The following FCRL5 variants were observed in gnomAD, a reference collection of about 807,000 sequenced individuals.
FCRL5 encodes Fc receptor-like protein 5.
In FCRL5, 79 loss-of-function variants were observed where a neutral mutation model predicts 92.1. The ratio of observed to expected loss-of-function variants is 0.86; its 90% CI spans 0.72 to 1.03. The LOEUF (loss-of-function observed/expected upper bound fraction) is 1.03. Among genes scored for constraint, FCRL5 ranks in the 50% least tolerant of loss-of-function variants. FCRL5 has a pLI of 0.00. For missense variants in FCRL5, 1,160 were observed against 1,181.1 expected (o/e 0.98, Z 0.26); for synonymous variants, 466 against 469.3 (o/e 0.99, Z 0.09).
In FCRL5 at chr1:157,518,750, G is replaced by C; in HGVS notation, c.2693C>G (p.Thr898Ser). The change falls in exon 14 of 17, where the codon ACC becomes AGC. Residue 898 changes from threonine (T) to serine (S), a missense_variant. Coordinates refer to ENST00000361835, the MANE Select transcript of FCRL5 (RefSeq NM_031281.3). Reference protein sequence around the residue: ...SPSDSDSQEPTYHNVPAWEEL... With the variant: ...SPSDSDSQEPSYHNVPAWEEL... ...TTCCCAGGCTGGTACATTGTGATAG[G>C]TGGGCTCTTGGGAGTCCGAGTCTGA... The C allele has an allele frequency of 1.9e-6, 3 of 1,613,538 alleles. No homozygotes were observed. Among genetic ancestry groups the C allele is most frequent in the Non-Finnish European group, 2.5e-6 (3 of 1,179,906 alleles).
intron 6 of FCRL5, among the ~76,000 whole-genome samples, chr1:157,540,280 T>C (rs1380242745): frequency 4.0e-5 from 6 of 150,410 alleles, no homozygotes; most frequent in African/African-American, 1.3e-4. Flanking sequence ...GCCTCTGTTG[T>C]GCAGAGATGT....
At chr1:157,544,703 G>A in intron 4 of FCRL5, 128 bp downstream of exon 4, 1 of 1,433,952 alleles carries the variant, frequency 7.0e-7, no homozygotes, top group Non-Finnish European at 9.7e-7. Context: ...TACTTCCTCT[G>A]CTCCTTGCAG....
In FCRL5 at chr1:157,542,854, C is replaced by T. The variant is rs767199287; in HGVS notation, c.1123+5G>A. On this transcript the variant is annotated splice_donor_5th_base_variant and intron_variant, in intron 6 of 16. Transcript: ENST00000361835. ...GTGGGTGATTGGCAGGAATGCAGGG[C>T]TTACCAGTGACTGAGAGGCTCACAG... 1.2e-6 allele frequency: 2 copies of T among 1,609,492 alleles called. No individual in the cohort carries two copies. The highest frequency in any genetic ancestry group is 1.1e-5 in the South Asian group (1 of 90,462).
At chr1:157,545,150 A>C in intron 3 of FCRL5, 68 bp from the exon 4 acceptor site, 7 of 1,531,124 alleles carry the variant, frequency 4.6e-6, no homozygotes, top group Non-Finnish European at 6.1e-6. Context: ...TTGTTTTTCC[A>C]AGTAGATTTT....
chr1:157,526,946 A>AT (rs549838556), intron 9 of FCRL5, among the ~76,000 whole-genome samples: 211 of 152,216 alleles, frequency 1.4e-3, no homozygotes, highest in Non-Finnish European at 2.3e-3. Flanking sequence ...TGTTAAGGGG[A>AT]TTATACATGT....
chr1:157,534,287 T>C, intron 8 of FCRL5: 1 of 693,000 alleles, frequency 1.4e-6, no homozygotes. Flanking sequence ...GTAGCTAAGT[T>C]AATATGTAAA....
chr1:157,521,454 T>C (rs1469739080), intron 10 of FCRL5, 162 bp from the exon 11 acceptor site: 1 of 799,958 alleles, frequency 1.3e-6, no homozygotes, highest in Non-Finnish European at 1.8e-6. Flanking sequence ...TAGTTTTCAG[T>C]GTACAAAAAT....
chr1:157,545,009 C>A lies in FCRL5; in HGVS notation c.381G>T (p.Ala127=). ...DSVVLRCRAK[A]EVTLNNTIYK... ...AAATAGTATTATTCAGTGTTACTTC[C>A]GCCTTTGCCCGGCACCTCAGAACCA... The change falls in exon 4 of 17, where the codon GCG becomes GCT. Residue 127 remains alanine (A), a synonymous_variant. Coordinates refer to ENST00000361835, the MANE Select transcript of FCRL5 (RefSeq NM_031281.3). 6.2e-7 allele frequency: 1 copy of A among 1,613,698 alleles called. No homozygotes were observed. The highest frequency in any genetic ancestry group is 8.5e-7 in the Non-Finnish European group (1 of 1,180,012).
In FCRL5 at chr1:157,549,435, T is replaced by TAA. The variant is rs940704573; in HGVS notation, c.52+123_52+124dup. 5.1e-5 allele frequency: 45 copies of TAA among 882,570 alleles called. No individual in the cohort carries two copies. In the East Asian group the frequency reaches 1.2e-3, roughly 23 times the overall value. 54.7% of individuals were successfully genotyped at this position (882,570 alleles called of 1,614,324 possible). ...ATGTACCCTAAAACTTAAAGTATAA[T>TAA]AAAAAAAAGGAAAGAAAACAGGAGA... On this transcript the variant is annotated intron_variant, in intron 2 of 16. Coordinates refer to ENST00000361835, the MANE Select transcript of FCRL5 (RefSeq NM_031281.3).
chr1:157,522,457 T>A (rs1308688090), intron 10 of FCRL5: 1 of 152,244 alleles, frequency 6.6e-6, no homozygotes, highest in East Asian at 1.9e-4. Context: ...TTCACTTCTC[T>A]AAACCTCAGT....
In FCRL5 at chr1:157,514,607, G is replaced by C. The variant is rs1305964074; in HGVS notation, c.*1068C>G. The C allele has an allele frequency of 1.3e-5, 2 of 152,310 alleles. No homozygotes were observed. Among genetic ancestry groups the C allele is most frequent in the Non-Finnish European group, 2.9e-5 (2 of 68,124 alleles). The allele number at this position is 152,310 out of a possible 1,614,324, so 9.4% of individuals were successfully genotyped here. ...CACATGCATGCAGTGCAGTCCCAGG[G>C]CCAGCAGCATCAGCATCCCCTGGGA... is the stretch of plus-strand genomic sequence containing the variant. On this transcript the variant is annotated 3_prime_UTR_variant, in exon 17 of 17. Transcript: ENST00000361835.
intron 15 of FCRL5, among the ~76,000 whole-genome samples, chr1:157,518,186 T>C (rs1650013990): frequency 6.6e-6 from 1 of 152,186 alleles, no homozygotes; most frequent in Non-Finnish European, 1.5e-5. Context: ...GTTAAGCGAA[T>C]GCCCAAAAAG....
chr1:157,527,998 C>A, intron 8 of FCRL5, 103 bp from the exon 9 acceptor site: 1 of 1,309,266 alleles, frequency 7.6e-7, no homozygotes, highest in Non-Finnish European at 1.0e-6. Flanking sequence ...AAAGGACATC[C>A]AAATTGGTAA....
chr1:157,539,351 A>T lies in FCRL5; in HGVS notation c.1137T>A (p.His379Gln). The T allele has an allele frequency of 6.2e-7, 1 of 1,610,340 alleles. No individual in the cohort carries two copies. Among genetic ancestry groups the T allele is most frequent in the Non-Finnish European group, 8.5e-7 (1 of 1,177,618 alleles). Residue 379 changes from histidine (H) to glutamine (Q), a missense_variant, in exon 7 of 17, where the codon CAT (histidine) becomes CAA (glutamine). His to Gln is a conservative substitution (Grantham distance 24). Coordinates refer to ENST00000361835, the MANE Select transcript of FCRL5 (RefSeq NM_031281.3). ...VSLSVTVPVS[H>Q]PVLNLSSPED... The stretch of plus-strand genomic sequence containing the variant: ...CAGGAGAGCTGAGGTTGAGGACAGG[A>T]TGAGACACGGGAACTGAGAGAGAGA...
intron 7 of FCRL5, among the ~76,000 whole-genome samples, chr1:157,538,359 G>A (rs569091506): frequency 6.6e-6 from 1 of 152,272 alleles, no homozygotes; most frequent in South Asian, 2.1e-4. Flanking sequence ...TCCAGTATAG[G>A]CCCAAATCAC....
Position 157,513,752 on chromosome 1 carries a change from C to G in FCRL5, c.*1923G>C, listed in dbSNP as rs1348538470. 6.6e-6 allele frequency: 1 copy of G among 152,192 alleles called. No individual in the cohort carries two copies. The highest frequency in any genetic ancestry group is 1.5e-5 in the Non-Finnish European group (1 of 68,052). The allele number at this position is 152,192 out of a possible 1,614,324, so 9.4% of individuals were successfully genotyped here. A position where few individuals can be genotyped will look rare whatever the true frequency, so the allele number is the denominator to read the frequency against. On this transcript the variant is annotated 3_prime_UTR_variant, in exon 17 of 17. Transcript: ENST00000361835. ...CCCAATGAGAAATTCTAAATTTCCT[C>G]TTTTGAGCCTGGTGCCTCCACCTTC... is the stretch of plus-strand genomic sequence containing the variant.
Position 157,545,005 on chromosome 1 carries a change from C to A in FCRL5, c.385G>T (p.Val129Leu), listed in dbSNP as rs1255601517. 7 of 1,613,848 alleles carry A rather than the reference C, an allele frequency of 4.3e-6. No homozygotes were observed. The highest frequency in any genetic ancestry group is 8.5e-7 in the Non-Finnish European group (1 of 1,180,048). ...TTGTAAATAGTATTATTCAGTGTTA[C>A]TTCCGCCTTTGCCCGGCACCTCAGA... ...VVLRCRAKAEVTLNNTIYKND... is the reference protein window; with the variant it reads ...VVLRCRAKAELTLNNTIYKND... The change falls in exon 4 of 17, where the codon GTA (valine) becomes TTA (leucine). Residue 129 changes from valine to leucine, a missense_variant. Coordinates refer to ENST00000361835, the MANE Select transcript of FCRL5 (RefSeq NM_031281.3).
intron 6 of FCRL5, among the ~76,000 whole-genome samples, chr1:157,541,353 G>T (rs1327280283): frequency 6.6e-6 from 1 of 152,182 alleles, no homozygotes; most frequent in Non-Finnish European, 1.5e-5. Flanking sequence ...TGCTGGAGTG[G>T]TTTTCCCCAA....
chr1:157,548,360 G>C (rs1053331348), intron 2 of FCRL5, among the ~76,000 whole-genome samples: 30 of 150,034 alleles, frequency 2.0e-4, no homozygotes, highest in Non-Finnish European at 3.8e-4. Flanking sequence ...ATACCATTCA[G>C]GACATAGGCA....
Sources: allele counts gnomAD v4.1 joint callset (sites outside exome capture counted in the v4.1 genomes callset), GRCh38; gene constraint gnomAD v4.1.1; transcripts MANE v1.5; gene names NCBI Gene and HGNC (gene_info 2026-07-23, HGNC 2026-07-21).